VWA8: variants seen among roughly 807,000 people sequenced by gnomAD.
VWA8 encodes the protein von Willebrand factor A domain containing 8.
VWA8 carries 221 observed loss-of-function variants against 241.5 expected under a neutral mutation model. That is an observed-to-expected ratio of 0.91 (90% CI 0.82 to 1.02). The LOEUF (loss-of-function observed/expected upper bound fraction) is 1.02, where lower values mean the gene tolerates loss of function less well. Ranked by LOEUF, VWA8 falls within the 50% of genes least tolerant of loss-of-function variation. The pLI is 0.00. For missense variants in VWA8, 2,322 were observed against 2,328.7 expected (o/e 1.00, Z 0.06); for synonymous variants, 852 against 827.1 (o/e 1.03, Z -0.52).
chr13:41,653,263 C>T lies in VWA8; in HGVS notation c.4611+17683G>A, dbSNP rs1412703016. On this transcript the variant is annotated intron_variant, in intron 37 of 44. Coordinates refer to ENST00000379310, the MANE Select transcript of VWA8 (RefSeq NM_015058.2). The stretch of plus-strand genomic sequence containing the variant: ...CAGTAGTATTTCTATATACCAGTAA[C>T]GTCCAAGCTGAAGGCCAAATCAAGA... Among the ~76,000 whole-genome samples the T allele has an allele frequency of 4.6e-5, 7 of 152,138 alleles. No individual in the cohort carries two copies. The East Asian group carries it at 1.2e-3, about 25-fold the overall frequency.
intron 5 of VWA8, among the ~76,000 whole-genome samples, chr13:41,888,891 A>C (rs7318334): frequency 0.81 from 123,688 of 152,146 alleles, 51,133 homozygotes; most frequent in East Asian, 1. Flanking sequence ...AACACACTGA[A>C]ACTATGTCAT....
At chr13:41,808,016 AT>A (rs1472083523) in intron 17 of VWA8, 1 of 152,238 alleles carries the variant, frequency 6.6e-6, no homozygotes, top group East Asian at 1.9e-4. Context: ...ACAGAAAAAA[AT>A]ATTCCATGTC....
chr13:41,903,831 C>T (rs1447840973), intron 4 of VWA8, among the ~76,000 whole-genome samples: 2 of 151,826 alleles, frequency 1.3e-5, no homozygotes, highest in Non-Finnish European at 2.9e-5. Flanking sequence ...ATGAACAGCA[C>T]AGTAAGGAAT....
At chr13:41,687,562 C>T (rs894126039) in intron 34 of VWA8, among the ~76,000 whole-genome samples, 1 of 152,060 alleles carries the variant, frequency 6.6e-6, no homozygotes, top group African/African-American at 2.4e-5. Context: ...GCTAGTCACA[C>T]TTGAGCTCAA....
chr13:41,913,888 C>T (rs918781708), intron 2 of VWA8, among the ~76,000 whole-genome samples: 13 of 152,106 alleles, frequency 8.5e-5, no homozygotes, highest in African/African-American at 2.7e-4. Flanking sequence ...GCATCCCTAG[C>T]GGGATAAAAG....
chr13:41,861,817 G>GA (rs964406369), intron 12 of VWA8, among the ~76,000 whole-genome samples: 2 of 151,938 alleles, frequency 1.3e-5, no homozygotes, highest in African/African-American at 4.8e-5. Flanking sequence ...ACAAACAAGT[G>GA]AAAAAAACAT....
Position 41,692,849 on chromosome 13 carries a change from T to A in VWA8, c.3675+13A>T. 6.3e-7 allele frequency: 1 copy of A among 1,588,514 alleles called. No homozygotes were observed. The highest frequency in any genetic ancestry group is 1.1e-5 in the South Asian group (1 of 90,344). On this transcript the variant is annotated intron_variant, in intron 30 of 44. Transcript: ENST00000379310. ...TCCTTGGCAATTTGTGGGACAAATG[T>A]GGTGTTTCTTACAGCTTCTTCTTTG... is the stretch of plus-strand genomic sequence containing the variant.
chr13:41,754,386 C>T (rs140697999), intron 21 of VWA8, among the ~76,000 whole-genome samples: 2 of 152,246 alleles, frequency 1.3e-5, no homozygotes, highest in East Asian at 1.9e-4. Context: ...GCCTCTCCAG[C>T]CACATGGAAC....
intron 27 of VWA8, 39 bp downstream of exon 27, chr13:41,703,264 A>G: frequency 1.3e-6 from 2 of 1,536,178 alleles, no homozygotes; most frequent in Non-Finnish European, 9.0e-7. Context: ...AAAATTTATA[A>G]GGTTCAATAT....
At chr13:41,869,281 G>A (rs572248388) in intron 9 of VWA8, among the ~76,000 whole-genome samples, 1 of 152,100 alleles carries the variant, frequency 6.6e-6, no homozygotes, top group East Asian at 1.9e-4. Flanking sequence ...ATTTTCCACA[G>A]CATATGGTAC....
rs531183541 is a variant in VWA8, at chr13:41,861,039, T to C, written c.1425+4697A>G. On this transcript the variant is annotated intron_variant, in intron 12 of 44. Transcript: ENST00000379310. ...AAGATGGAATCAAAAAGGAAATTAA[T>C]ATTTTTTTCTTCAAGACCTTCTCCA... Among the ~76,000 whole-genome samples, 262 of 152,074 alleles carry C rather than the reference T, an allele frequency of 1.7e-3. 2 individuals are homozygous for C. The highest frequency in any genetic ancestry group is 5.8e-3 in the African/African-American group (241 of 41,524).
chr13:41,696,133 C>CT (rs1251344863), intron 29 of VWA8: 2 of 152,090 alleles, frequency 1.3e-5, no homozygotes, highest in Non-Finnish European at 2.9e-5. Flanking sequence ...TGTTGAAAAT[C>CT]TTTAAAGTAA....
At chr13:41,883,264 G>T in intron 9 of VWA8, 123 bp downstream of exon 9, 1 of 690,268 alleles carries the variant, frequency 1.4e-6, no homozygotes, top group South Asian at 1.9e-5. Flanking sequence ...GAAGGGAAAG[G>T]AAAGAAATAA....
chr13:41,758,458 G>C (rs2045714931), intron 21 of VWA8, among the ~76,000 whole-genome samples: 2 of 93,802 alleles, frequency 2.1e-5, no homozygotes, highest in African/African-American at 4.1e-5. Flanking sequence ...CATATATATG[G>C]AATATATGGA....
At chr13:41,808,292 A>C (rs937770874) in intron 17 of VWA8, among the ~76,000 whole-genome samples, 2 of 152,206 alleles carry the variant, frequency 1.3e-5, no homozygotes, top group Non-Finnish European at 2.9e-5. Flanking sequence ...GAAATATCTG[A>C]GACTGAGTAA....
At chr13:41,731,272 G>T (rs1036994467) in intron 22 of VWA8, among the ~76,000 whole-genome samples, 3 of 152,010 alleles carry the variant, frequency 2.0e-5, no homozygotes, top group Admixed American at 6.6e-5. Flanking sequence ...TGCGCAGAGG[G>T]ACATGCCTGG....
At chr13:41,825,515 A>C (rs1871139777) in intron 14 of VWA8, among the ~76,000 whole-genome samples, 2 of 152,258 alleles carry the variant, frequency 1.3e-5, no homozygotes, top group South Asian at 4.2e-4. Flanking sequence ...TATTTGTACA[A>C]GACTGTAGAA....
At chr13:41,600,740 T>C (rs962870294) in intron 40 of VWA8, among the ~76,000 whole-genome samples, 3 of 152,114 alleles carry the variant, frequency 2.0e-5, no homozygotes, top group Non-Finnish European at 4.4e-5. Context: ...TCTTCACAAG[T>C]CTGTCCTCTT....
At chr13:41,880,537 C>G (rs1001411392) in intron 9 of VWA8, among the ~76,000 whole-genome samples, 2 of 152,164 alleles carry the variant, frequency 1.3e-5, no homozygotes, top group Admixed American at 6.5e-5. Flanking sequence ...TCTAATGGTC[C>G]AGGATTTAAT....
Sources: allele counts gnomAD v4.1 joint callset (sites outside exome capture counted in the v4.1 genomes callset), GRCh38; gene constraint gnomAD v4.1.1; transcripts MANE v1.5; gene names NCBI Gene and HGNC (gene_info 2026-07-23, HGNC 2026-07-21).